The following PTPRT variants were observed in gnomAD, a reference collection of about 807,000 sequenced individuals.
PTPRT encodes receptor-type tyrosine-protein phosphatase T.
In PTPRT, 56 loss-of-function variants were observed where a neutral mutation model predicts 176.8. The observed-to-expected ratio is 0.32, with a 90% CI of 0.26 to 0.40. PTPRT has a LOEUF of 0.40. Ranked by LOEUF, PTPRT falls within the 10% of genes least tolerant of loss-of-function variation. PTPRT has a pLI of 1.00. For missense variants in PTPRT, 1,540 were observed against 1,908.2 expected, an observed-to-expected ratio of 0.81 and a Z score of 3.60; for synonymous variants, 783 against 739.0, an observed-to-expected ratio of 1.06 and a Z score of -0.96.
intron 6 of PTPRT, among the ~76,000 whole-genome samples, chr20:42,729,080 A>C (rs898230011): frequency 6.6e-6 from 1 of 152,180 alleles, no homozygotes; most frequent in African/African-American, 2.4e-5. Flanking sequence ...ATTAAAAAAA[A>C]AGGAGCAAAA....
At chr20:43,077,164 A>C (rs1209928119) in intron 1 of PTPRT, among the ~76,000 whole-genome samples, 1 of 152,248 alleles carries the variant, frequency 6.6e-6, no homozygotes, top group Non-Finnish European at 1.5e-5. Context: ...ATTTGGGTCA[A>C]GAAAAAAAGA....
intron 1 of PTPRT, chr20:42,966,468 G>C (rs1313311034): frequency 6.6e-6 from 1 of 152,148 alleles, no homozygotes; most frequent in Non-Finnish European, 1.5e-5. Flanking sequence ...AGCTGTCACA[G>C]CCGCTTGCCC....
At chr20:42,038,587 C>G in the PTPRT span, among the ~76,000 whole-genome samples, 1 of 152,182 alleles carries the variant, frequency 6.6e-6, no homozygotes, top group African/African-American at 2.4e-5. Flanking sequence ...TATCTGGATG[C>G]AGTCCCTGGT....
intron 1 of PTPRT, among the ~76,000 whole-genome samples, chr20:43,000,327 T>C (rs1349256504): frequency 6.6e-6 from 1 of 151,108 alleles, no homozygotes; most frequent in Non-Finnish European, 1.5e-5. Flanking sequence ...CCTGAAAATA[T>C]ACACTTCCAT....
At chr20:42,772,261 C>T (rs1388339958) in intron 4 of PTPRT, among the ~76,000 whole-genome samples, 1 of 152,058 alleles carries the variant, frequency 6.6e-6, no homozygotes, top group Admixed American at 6.5e-5. Flanking sequence ...ACTCACTTAA[C>T]CCAATGCAGT....
chr20:42,755,688 T>G (rs899346456), intron 6 of PTPRT, among the ~76,000 whole-genome samples: 1 of 151,898 alleles, frequency 6.6e-6, no homozygotes, highest in Non-Finnish European at 1.5e-5. Flanking sequence ...AATAATCTGG[T>G]TCAATAGAAT....
chr20:42,044,319 G>A, the PTPRT span, among the ~76,000 whole-genome samples: 5,151 of 152,292 alleles, frequency 0.034, 295 homozygotes, highest in African/African-American at 0.12. Flanking sequence ...TTGATGGTGT[G>A]TACTTGTTCA....
chr20:42,987,354 A>C (rs940088090), intron 1 of PTPRT, among the ~76,000 whole-genome samples: 8 of 152,182 alleles, frequency 5.3e-5, no homozygotes. Flanking sequence ...GCCACATTTC[A>C]AGTGCACAAT....
At chr20:42,086,739 A>ATAT (rs1555858277) in intron 27 of PTPRT, among the ~76,000 whole-genome samples, 2 of 65,392 alleles carry the variant, frequency 3.1e-5, no homozygotes, top group East Asian at 4.4e-4. Flanking sequence ...AAAAAAAAAA[A>ATAT]AAAAAAAAAA....
chr20:42,139,688 G>A (rs564674061), intron 18 of PTPRT, among the ~76,000 whole-genome samples: 2 of 152,372 alleles, frequency 1.3e-5, no homozygotes, highest in East Asian at 3.9e-4. Flanking sequence ...AGGCAGGGCA[G>A]GGCTAGGGTG....
chr20:42,538,414 C>T (rs1452050820), intron 7 of PTPRT, among the ~76,000 whole-genome samples: 1 of 152,156 alleles, frequency 6.6e-6, no homozygotes, highest in African/African-American at 2.4e-5. Flanking sequence ...GGCTAAATCT[C>T]ATGTCCCCTG....
At chr20:42,491,459 T>C (rs867963485) in intron 7 of PTPRT, among the ~76,000 whole-genome samples, 1 of 152,168 alleles carries the variant, frequency 6.6e-6, no homozygotes. Flanking sequence ...TTGACTGTAA[T>C]TGCAACCAAG....
chr20:43,114,880 G>C (rs1600723137), intron 1 of PTPRT, among the ~76,000 whole-genome samples: 1 of 152,002 alleles, frequency 6.6e-6, no homozygotes. Context: ...TAATGGAGTG[G>C]GAAGCCTAAG....
At chr20:42,373,631 T>C (rs893287648) in intron 9 of PTPRT, among the ~76,000 whole-genome samples, 3 of 152,242 alleles carry the variant, frequency 2.0e-5, no homozygotes, top group East Asian at 3.8e-4. Context: ...ATAGAGATTA[T>C]GGACATACAT....
At chr20:42,488,681 AGTGCCAGGCGCAGT>A (rs371204499) in intron 7 of PTPRT, among the ~76,000 whole-genome samples, 1,698 of 152,208 alleles carry the variant, frequency 0.011, 33 homozygotes, top group African/African-American at 0.04. Flanking sequence ...AAATCAACCA[AGTGCCAGGCGCAGT>A]GGCTCATGCC....
chr20:42,351,230 C>A (rs994673531), intron 10 of PTPRT, among the ~76,000 whole-genome samples: 3 of 152,102 alleles, frequency 2.0e-5, no homozygotes, highest in African/African-American at 7.2e-5. Flanking sequence ...CTATTAAAAC[C>A]CACATCCTTT....
chr20:42,868,709 G>A (rs1182387281), intron 2 of PTPRT, among the ~76,000 whole-genome samples: 2 of 152,186 alleles, frequency 1.3e-5, no homozygotes, highest in East Asian at 1.9e-4. Flanking sequence ...AAGGAAGCCA[G>A]ATGCTATTTA....
At chr20:42,536,420 C>T (rs2072477630) in intron 7 of PTPRT, among the ~76,000 whole-genome samples, 1 of 152,164 alleles carries the variant, frequency 6.6e-6, no homozygotes, top group African/African-American at 2.4e-5. Context: ...AGACTATCTA[C>T]CACCAATTTT....
intron 1 of PTPRT, among the ~76,000 whole-genome samples, chr20:42,954,217 C>A (rs959484029): frequency 6.6e-6 from 1 of 152,186 alleles, no homozygotes. Context: ...GTATTCCAGG[C>A]TGTTGATGTC....
Sources: allele counts gnomAD v4.1 joint callset (sites outside exome capture counted in the v4.1 genomes callset), GRCh38; gene constraint gnomAD v4.1.1; transcripts MANE v1.5; gene names NCBI Gene and HGNC (gene_info 2026-07-23, HGNC 2026-07-21).